Variants in TLE3 observed in about 807,000 individuals in gnomAD.
TLE3 encodes the protein TLE family member 3, transcriptional corepressor, also known as transducin-like enhancer protein 3.
Under a neutral mutation model 93.0 loss-of-function variants are expected in TLE3, and 14 were observed. The ratio of observed to expected loss-of-function variants is 0.15; its 90% confidence interval spans 0.10 to 0.24. The LOEUF (loss-of-function observed/expected upper bound fraction) is 0.24, where lower values mean the gene tolerates loss of function less well. Among genes scored for constraint, TLE3 ranks in the 10% least tolerant of loss-of-function variants. TLE3 has a pLI of 1.00. For synonymous variants in TLE3, 451 were observed against 425.0 expected (o/e 1.06, Z -0.75); for missense variants, 693 against 1,046.6 (o/e 0.66, Z 4.66).
intron 7 of TLE3, 45 bp downstream of exon 7, chr15:70,065,969 G>GCCCCCCCCCTCCCCCCC: frequency 7.7e-7 from 1 of 1,294,406 alleles, no homozygotes. Flanking sequence ...GAGCGCCCAT[G>GCCCCCCCCCTCCCCCCC]CCCACCCCTG....
At chr15:70,068,988 G>C (rs969506137) in intron 6 of TLE3, among the ~76,000 whole-genome samples, 2 of 152,228 alleles carry the variant, frequency 1.3e-5, no homozygotes, top group African/African-American at 4.8e-5. Context: ...GTTGTGCCAG[G>C]ATCACATGTG....
rs747731154 is a variant in TLE3 at position 70,096,867 on chromosome 15, G to T, written c.-69C>A. 7.7e-6 allele frequency: 12 copies of T among 1,567,786 alleles called. No homozygotes were observed. Among genetic ancestry groups the T allele is most frequent in the Admixed American group, 3.6e-5 (2 of 56,248 alleles). Reference sequence around the variant, plus strand: ...GCCCGGGCCGGGGAGGTGCGGGGGAGGGGGGAGCCGAGCCCGAGCGGGGGG... The same window carrying T: ...GCCCGGGCCGGGGAGGTGCGGGGGATGGGGGAGCCGAGCCCGAGCGGGGGG... On this transcript the variant is annotated 5_prime_UTR_variant, in exon 1 of 20. Transcript: ENST00000451782.
intron 4 of TLE3, among the ~76,000 whole-genome samples, chr15:70,088,940 T>A (rs1198470674): frequency 7.1e-6 from 1 of 141,710 alleles, no homozygotes; most frequent in Admixed American, 6.9e-5. Flanking sequence ...GAGCCAGCCA[T>A]GCAGGGATGC....
At chr15:70,087,194 A>C (rs35485240) in intron 4 of TLE3, among the ~76,000 whole-genome samples, 28,174 of 152,056 alleles carry the variant, frequency 0.19, 3,042 homozygotes, top group Non-Finnish European at 0.25. Context: ...AGTGAAAACA[A>C]ATACAAAATG....
chr15:70,067,357 G>C (rs1453404314), intron 6 of TLE3, among the ~76,000 whole-genome samples: 1 of 152,206 alleles, frequency 6.6e-6, no homozygotes, highest in East Asian at 1.9e-4. Context: ...ATGCCTGAAT[G>C]AATGCCTGGG....
chr15:70,081,796 T>C (rs192862087), intron 4 of TLE3, among the ~76,000 whole-genome samples: 51 of 152,280 alleles, frequency 3.3e-4, no homozygotes, highest in African/African-American at 1.2e-3. Flanking sequence ...AAAGATGAGA[T>C]GAGGAAGGGA....
chr15:70,066,606 G>T, intron 6 of TLE3: 1 of 180,636 alleles, frequency 5.5e-6, no homozygotes, highest in South Asian at 1.5e-4. Flanking sequence ...GGCAGTGTTT[G>T]CTCATGCATA....
chr15:70,073,357 G>A (rs778211903), intron 6 of TLE3, among the ~76,000 whole-genome samples: 8 of 152,140 alleles, frequency 5.3e-5, no homozygotes, highest in Admixed American at 3.3e-4. Context: ...TGCCCCAGGC[G>A]GAAAAGTCAA....
intron 4 of TLE3, among the ~76,000 whole-genome samples, chr15:70,093,762 G>A (rs1397556800): frequency 6.6e-6 from 1 of 152,230 alleles, no homozygotes; most frequent in Non-Finnish European, 1.5e-5. Flanking sequence ...TATTAGAAGA[G>A]TGACAATACC....
intron 9 of TLE3, 88 bp downstream of exon 9, chr15:70,060,442 G>A (rs908427572): frequency 1.6e-5 from 25 of 1,558,736 alleles, no homozygotes; most frequent in Admixed American, 5.4e-5. Context: ...CCAACCACAA[G>A]AAGACCCTGG....
intron 3 of TLE3, 98 bp downstream of exon 3, chr15:70,095,480 G>A (rs1442230085): frequency 1.3e-6 from 2 of 1,546,084 alleles, no homozygotes; most frequent in Middle Eastern, 1.7e-4. Flanking sequence ...GCGGCTGGGC[G>A]GTGGTGGGGA....
chr15:70,090,970 A>C (rs1471598528), intron 4 of TLE3, among the ~76,000 whole-genome samples: 1 of 152,220 alleles, frequency 6.6e-6, no homozygotes, highest in Non-Finnish European at 1.5e-5. Flanking sequence ...AGAATACACT[A>C]GAAAAGGAGC....
chr15:70,069,139 A>G (rs1267551147), intron 6 of TLE3, among the ~76,000 whole-genome samples: 3 of 152,132 alleles, frequency 2.0e-5, no homozygotes, highest in Non-Finnish European at 4.4e-5. Flanking sequence ...CCATCCTAGC[A>G]CCTCTAACAG....
chr15:70,054,490 A>G lies in TLE3; in HGVS notation c.1774T>C (p.Cys592Arg). ...CAGACAGCAATGTTCCCATCGCTGC[A>G]GCAGGAGAAGCAGACTTTGGCGTCA... Reference protein sequence around the residue: ...SPDAKVCFSCCSDGNIAVWDL... With the variant: ...SPDAKVCFSCRSDGNIAVWDL... The change falls in exon 16 of 20, where the codon TGC (cysteine) becomes CGC (arginine). Residue 592 changes from cysteine to arginine, a missense_variant. Physicochemically the swap from Cys to Arg is radical, Grantham distance 180. Transcript: ENST00000451782. 6.2e-7 allele frequency: 1 copy of G among 1,614,044 alleles called. No homozygotes were observed. The highest frequency in any genetic ancestry group is 8.5e-7 in the Non-Finnish European group (1 of 1,179,896).
At chr15:70,056,882 C>T (rs551146269) in intron 13 of TLE3, among the ~76,000 whole-genome samples, 61 of 152,222 alleles carry the variant, frequency 4.0e-4, no homozygotes, top group African/African-American at 1.4e-3. Flanking sequence ...CTGCCTTCAC[C>T]TCCCGAATAG....
chr15:70,096,637 AT>A (rs1371918582), intron 1 of TLE3, 137 bp downstream of exon 1: 1 of 1,547,792 alleles, frequency 6.5e-7, no homozygotes, highest in Admixed American at 2.0e-5. Flanking sequence ...CCCCGGCCGC[AT>A]CCCCCTTTGT....
intron 4 of TLE3, among the ~76,000 whole-genome samples, chr15:70,083,651 G>A (rs769584081): frequency 2.2e-4 from 33 of 149,214 alleles, no homozygotes; most frequent in Non-Finnish European, 4.1e-4. Context: ...GGGTTGCCAT[G>A]GCAACCCCCA....
intron 4 of TLE3, among the ~76,000 whole-genome samples, chr15:70,079,195 C>G (rs1276178978): frequency 6.6e-6 from 1 of 151,984 alleles, no homozygotes; most frequent in Non-Finnish European, 1.5e-5. Flanking sequence ...ACACCACAAA[C>G]AAGCATCAAC....
rs1420616454 is a variant in TLE3, at chr15:70,064,460, G to A, written c.588C>T (p.Ser196=). ...CCAGAGTGCCAACACTTACCGCACT[G>A]GATTCTCTCTCTTTGGGGAAAGAAG... is the stretch of plus-strand genomic sequence containing the variant. The part of the protein sequence containing the change: ...HHELDHRERE[S]SANNSVSPSE... The change falls in exon 8 of 20, where the codon TCC becomes TCT. Residue 196 remains serine (S), a synonymous_variant. Coordinates refer to ENST00000451782, the MANE Select transcript of TLE3 (RefSeq NM_001105192.3). 1 of 1,613,772 alleles carries A rather than the reference G, an allele frequency of 6.2e-7. No homozygotes were observed. The highest frequency in any genetic ancestry group is 1.3e-5 in the African/African-American group (1 of 74,926).
Sources: gnomAD v4.1 joint callset for allele counts (sites outside exome capture counted in the v4.1 genomes callset) on GRCh38, gnomAD v4.1.1 for gene constraint, MANE v1.5 for transcripts, NCBI Gene and HGNC (gene_info 2026-07-23, HGNC 2026-07-21) for gene names.